ZNF268: variants seen among roughly 807,000 people sequenced by gnomAD.
ZNF268 encodes the protein zinc finger protein 3.
In ZNF268, 20 loss-of-function variants were observed where a neutral mutation model predicts 29.3. The ratio of observed to expected loss-of-function variants is 0.68; its 90% CI spans 0.48 to 0.99. The LOEUF is 0.99. ZNF268 is among the 50% of genes least tolerant of loss of function. ZNF268 has a pLI of 0.00. For synonymous variants in ZNF268, 429 were observed against 376.9 expected (o/e 1.14, Z -1.60); for missense variants, 1,240 against 1,121.6 (o/e 1.11, Z -1.51).
rs1052959407 is a variant in ZNF268 at position 133,204,140 on chromosome 12, T to C, written c.2454T>C (p.Ile818=). The C allele has an allele frequency of 6.5e-6, 10 of 1,543,578 alleles. No homozygotes were observed. The highest frequency in any genetic ancestry group is 1.7e-4 in the Middle Eastern group (1 of 5,990). ...GTAATGAATGTGGGAAAGCCTTCAT[T>C]TGGAAATCACTACTCATTGTACATG... ...YECNECGKAF[I]WKSLLIVHER... Residue 818 remains isoleucine (I), a synonymous_variant, in exon 6 of 6, where the codon ATT becomes ATC. Transcript: ENST00000536435.
intron 5 of ZNF268, chr12:133,193,510 G>A (rs61960671): frequency 0.13 from 91,924 of 694,860 alleles, 7,289 homozygotes; most frequent in Middle Eastern, 0.21. Context: ...CCAAGATGAC[G>A]CCTTGTTGCT....
At position 133,203,174 on chromosome 12, in the gene ZNF268, A is replaced by G; in HGVS notation, c.1488A>G (p.Gly496=). 1 of 1,537,766 alleles carries G rather than the reference A, an allele frequency of 6.5e-7. No individual in the cohort carries two copies. The highest frequency in any genetic ancestry group is 1.2e-5 in the South Asian group (1 of 84,054). ...TTGTACATCAGAGAAGTCACACAGG[A>G]ATGAAACCTTATGTATGCAATGAAT... The part of the protein sequence containing the change: ...QLIVHQRSHT[G]MKPYVCNECG... Residue 496 remains glycine (G), a synonymous_variant, in exon 6 of 6, where the codon GGA becomes GGG. Transcript: ENST00000536435.
chr12:133,194,692 G>A (rs111951240), intron 5 of ZNF268, among the ~76,000 whole-genome samples: 4,528 of 152,250 alleles, frequency 0.03, 91 homozygotes, highest in South Asian at 0.079. Flanking sequence ...TTTTGGAAGC[G>A]GGACTGGGGA....
Position 133,204,008 on chromosome 12 carries a change from T to A in ZNF268, c.2322T>A (p.His774Gln). The change falls in exon 6 of 6, where the codon CAT becomes CAA. Residue 774 changes from histidine (H) to glutamine (Q), a missense_variant. His to Gln is a conservative substitution (Grantham distance 24). Transcript: ENST00000536435. ...AGCTCATTTCACATCAGCGAACTCA[T>A]GCAGGGGAAAAGCCTTATGGGTGCA... ...KDQLISHQRT[H>Q]AGEKPYGCSE... The A allele has an allele frequency of 6.3e-7, 1 of 1,579,678 alleles. No individual in the cohort carries two copies. Among genetic ancestry groups the A allele is most frequent in the Non-Finnish European group, 8.6e-7 (1 of 1,165,386 alleles).
At position 133,203,223 on chromosome 12, in the gene ZNF268, T is replaced by G; in HGVS notation, c.1537T>G (p.Ser513Ala). 6.5e-7 allele frequency: 1 copy of G among 1,537,922 alleles called. No individual in the cohort carries two copies. The highest frequency in any genetic ancestry group is 8.7e-7 in the Non-Finnish European group (1 of 1,146,846). Residue 513 changes from serine (S) to alanine (A), a missense_variant, in exon 6 of 6, where the codon TCA (serine) becomes GCA (alanine). Coordinates refer to ENST00000536435, the MANE Select transcript of ZNF268 (RefSeq NM_003415.3). Reference sequence around the variant, plus strand: ...ATGTGGCAAAGCCTTCAGGAGCAAGTCATACCTTATTATACATACAAGGAC... The same window carrying G: ...ATGTGGCAAAGCCTTCAGGAGCAAGGCATACCTTATTATACATACAAGGAC... Reference protein sequence around the residue: ...NECGKAFRSKSYLIIHTRTHT... With the variant: ...NECGKAFRSKAYLIIHTRTHT...
Position 133,187,887 on chromosome 12 carries a change from G to C in ZNF268, c.49G>C (p.Glu17Gln). ...GAGTCCACAGGTCCCACCTCTCCAA[G>C]AACGAAACAGTTCATGGGATAGGAT... ...TASIWVPPLQERNSSWDRIRK... is the reference protein window; with the variant it reads ...TASIWVPPLQQRNSSWDRIRK... The change falls in exon 3 of 6, where the codon GAA becomes CAA. Residue 17 changes from glutamate to glutamine, a missense_variant. Transcript: ENST00000536435. 1 of 1,595,422 alleles carries C rather than the reference G, an allele frequency of 6.3e-7. No individual in the cohort carries two copies. Among genetic ancestry groups the C allele is most frequent in the Non-Finnish European group, 8.5e-7 (1 of 1,170,622 alleles).
At chr12:133,193,998 A>T (rs765734788) in intron 5 of ZNF268, among the ~76,000 whole-genome samples, 12 of 151,984 alleles carry the variant, frequency 7.9e-5, no homozygotes, top group Admixed American at 5.9e-4. Context: ...GGGCTCCCTT[A>T]CTAATTTTGG....
intron 2 of ZNF268, chr12:133,184,792 A>G (rs1428724995): frequency 7.4e-6 from 3 of 404,552 alleles, no homozygotes; most frequent in South Asian, 5.0e-5. Context: ...AATTGGCCCC[A>G]CCTCTTAATA....
chr12:133,203,277 A>C lies in ZNF268; in HGVS notation c.1591A>C (p.Asn531His), dbSNP rs1566383557. 4 of 1,539,192 alleles carry C rather than the reference A, an allele frequency of 2.6e-6. No homozygotes were observed. In the East Asian group the frequency reaches 7.3e-5, roughly 28 times the overall value. ...TACAGGAGAAAAACTCCATGAATGC[A>C]ACAATTGTGGGAAAGCCTTCAGTTT... ...THTGEKLHEC[N>H]NCGKAFSFKS... The change falls in exon 6 of 6, where the codon AAC becomes CAC. Residue 531 changes from asparagine to histidine, a missense_variant. Coordinates refer to ENST00000536435, the MANE Select transcript of ZNF268 (RefSeq NM_003415.3).
At position 133,203,955 on chromosome 12, in the gene ZNF268, TG is replaced by T. The variant is rs938832392; in HGVS notation, c.2270del (p.Cys757LeufsTer39). The T allele has an allele frequency of 6.3e-7, 1 of 1,594,408 alleles. No individual in the cohort carries two copies. Among genetic ancestry groups the T allele is most frequent in the African/African-American group, 1.3e-5 (1 of 74,322 alleles). On this transcript the variant is annotated frameshift_variant, in exon 6 of 6. Transcript: ENST00000536435. LOFTEE classifies it low-confidence loss of function (END_TRUNC). The part of the protein sequence containing the change: ...TGENPYECSE[C>X]GKAFNRKDQL... ...AGAAAATCCCTATGAATGCAGTGAA[TG>T]TGGGAAAGCCTTTAATAGGAAAGAC...
Position 133,191,997 on chromosome 12 carries a change from T to C in ZNF268, c.451T>C (p.Cys151Arg). 6.2e-7 allele frequency: 1 copy of C among 1,606,084 alleles called. No homozygotes were observed. The highest frequency in any genetic ancestry group is 8.5e-7 in the Non-Finnish European group (1 of 1,174,722). The change falls in exon 5 of 6, where the codon TGT (cysteine) becomes CGT (arginine). Residue 151 changes from cysteine (C) to arginine (R), a missense_variant. This residue lies in a region of ZNF268 where 1,177 missense variants were observed against 1,039.6 expected (regional missense o/e 1.13). Transcript: ENST00000536435. ...MVQAQVPNQTCPNTVWKIDDL... is the reference protein window; with the variant it reads ...MVQAQVPNQTRPNTVWKIDDL... Reference sequence around the variant, plus strand: ...GCAGGCCCAAGTTCCAAATCAGACCTGTCCAAGTGAGTGATGGAGACAAAT... The same window carrying C: ...GCAGGCCCAAGTTCCAAATCAGACCCGTCCAAGTGAGTGATGGAGACAAAT...
rs1214151804 is a variant in ZNF268, at chr12:133,191,512, G to A, written c.258G>A (p.Val86=). Residue 86 remains valine (V), a synonymous_variant, in exon 4 of 6, where the codon GTG becomes GTA. Coordinates refer to ENST00000536435, the MANE Select transcript of ZNF268 (RefSeq NM_003415.3). Reference sequence around the variant, plus strand: ...AGGGACCTTTGTCATTCATGGATGTGTTTGTGGATTTTACCTGGGAGGAGT... The same window carrying A: ...AGGGACCTTTGTCATTCATGGATGTATTTGTGGATTTTACCTGGGAGGAGT... The part of the protein sequence containing the change: ...KSWGPLSFMD[V]FVDFTWEEWQ... 1.9e-6 allele frequency: 3 copies of A among 1,614,052 alleles called. No homozygotes were observed. Among genetic ancestry groups the A allele is most frequent in the Admixed American group, 1.7e-5 (1 of 60,010 alleles).
At chr12:133,198,993 T>C (rs1305291751) in intron 5 of ZNF268, among the ~76,000 whole-genome samples, 25 of 143,714 alleles carry the variant, frequency 1.7e-4, no homozygotes, top group South Asian at 4.6e-4. Flanking sequence ...AGGGACAATT[T>C]GACTTCCTCT....
In ZNF268 at chr12:133,212,516, C is replaced by CATACACACATATATACACATATAT. The variant is rs1957001821; in HGVS notation, c.*7994_*8017dup. 1.5e-5 allele frequency: 1 copy of CATACACACATATATACACATATAT among 67,582 alleles called. No homozygotes were observed. The highest frequency in any genetic ancestry group is 1.9e-4 in the Admixed American group (1 of 5,196). 4.2% of individuals were successfully genotyped at this position (67,582 alleles called of 1,614,324 possible). A position where few individuals can be genotyped will look rare whatever the true frequency, so the allele number is the denominator to read the frequency against. ...ATATATATGTATATATACACACACA[C>CATACACACATATATACACATATAT]ATACACACATATATACACATATATA... On this transcript the variant is annotated 3_prime_UTR_variant, in exon 6 of 6. Coordinates refer to ENST00000536435, the MANE Select transcript of ZNF268 (RefSeq NM_003415.3).
chr12:133,186,949 A>G (rs1956334801), intron 2 of ZNF268, among the ~76,000 whole-genome samples: 1 of 152,174 alleles, frequency 6.6e-6, no homozygotes, highest in Non-Finnish European at 1.5e-5. Flanking sequence ...TCCCCTTGTC[A>G]TTATCACTAA....
rs1204273683 is a variant in ZNF268 at position 133,209,301 on chromosome 12, T to G, written c.*4771T>G. 1 of 152,058 alleles carries G rather than the reference T, an allele frequency of 6.6e-6. No homozygotes were observed. The allele number at this position is 152,058 out of a possible 1,614,324, so 9.4% of individuals were successfully genotyped here. A position where few individuals can be genotyped will look rare whatever the true frequency, so the allele number is the denominator to read the frequency against. On this transcript the variant is annotated 3_prime_UTR_variant, in exon 6 of 6. Transcript: ENST00000536435. The stretch of plus-strand genomic sequence containing the variant: ...TTATTTATTTCTTGTAGAGATGGGG[T>G]TTTACCATGTTTTCCAGTCTGGTTT...
chr12:133,204,487 A>T lies in ZNF268; in HGVS notation c.2801A>T (p.Gln934Leu). 6.5e-7 allele frequency: 1 copy of T among 1,539,302 alleles called. No individual in the cohort carries two copies. ...GGGAAAGCCTTTTGTTGGAAGTCAC[A>T]GCTCATTATGCATCAGAGAACTCAT... ...ECGKAFCWKS[Q>L]LIMHQRTHVD... The change falls in exon 6 of 6, where the codon CAG becomes CTG. Residue 934 changes from glutamine to leucine, a missense_variant. This residue lies in a region of ZNF268 where 1,177 missense variants were observed against 1,039.6 expected (regional missense o/e 1.13). Coordinates refer to ENST00000536435, the MANE Select transcript of ZNF268 (RefSeq NM_003415.3).
intron 5 of ZNF268, among the ~76,000 whole-genome samples, chr12:133,199,399 G>A (rs1293085704): frequency 6.6e-6 from 1 of 150,880 alleles, no homozygotes; most frequent in Admixed American, 6.6e-5. Flanking sequence ...CTTGATCATG[G>A]TGGATAAGCT....
chr12:133,213,924 G>A lies in ZNF268; in HGVS notation c.*9394G>A, dbSNP rs1320698549. Reference sequence around the variant, plus strand: ...TGAGGAAGGAGAATGGCGTGAACCTGGAACCAGTGAGCCCAGATCTCACCA... The same window carrying A: ...TGAGGAAGGAGAATGGCGTGAACCTAGAACCAGTGAGCCCAGATCTCACCA... On this transcript the variant is annotated 3_prime_UTR_variant, in exon 6 of 6. Coordinates refer to ENST00000536435, the MANE Select transcript of ZNF268 (RefSeq NM_003415.3). 1 of 152,084 alleles carries A rather than the reference G, an allele frequency of 6.6e-6. No homozygotes were observed. Among genetic ancestry groups the A allele is most frequent in the Non-Finnish European group, 1.5e-5 (1 of 68,050 alleles). The allele number at this position is 152,084 out of a possible 1,614,324, so 9.4% of individuals were successfully genotyped here. A position where few individuals can be genotyped will look rare whatever the true frequency, so the allele number is the denominator to read the frequency against.
Sources: gnomAD v4.1 joint callset for allele counts (sites outside exome capture counted in the v4.1 genomes callset) on GRCh38, gnomAD v4.1.1 for gene constraint, gnomAD v4.1.1 regional missense constraint, MANE v1.5 for transcripts, NCBI Gene and HGNC (gene_info 2026-07-23, HGNC 2026-07-21) for gene names.